LSAMP: variants seen among roughly 807,000 people sequenced by gnomAD.
LSAMP encodes limbic system-associated membrane protein.
Under a neutral mutation model 38.6 loss-of-function variants are expected in LSAMP, and 7 were observed. The observed-to-expected ratio is 0.18, with a 90% CI of 0.10 to 0.34. LSAMP has a LOEUF of 0.34. Among genes scored for constraint, LSAMP ranks in the 10% least tolerant of loss-of-function variants. The pLI is 1.00. For missense variants in LSAMP, 313 were observed against 420.0 expected (o/e 0.75, Z 2.23); for synonymous variants, 154 against 166.8 (o/e 0.92, Z 0.59).
chr3:115,991,691 C>T (rs953411502), intron 3 of LSAMP, among the ~76,000 whole-genome samples: 1 of 152,156 alleles, frequency 6.6e-6, no homozygotes, highest in African/African-American at 2.4e-5. Flanking sequence ...CGGCTTGTAG[C>T]CACTCTGTCT....
At chr3:116,235,748 A>G (rs2107632955) in intron 1 of LSAMP, among the ~76,000 whole-genome samples, 1 of 152,320 alleles carries the variant, frequency 6.6e-6, no homozygotes, top group Non-Finnish European at 1.5e-5. Context: ...TGGTCTTACT[A>G]TATAGAAAAA....
chr3:116,330,378 T>C (rs1295049415), intron 1 of LSAMP, among the ~76,000 whole-genome samples: 2 of 152,134 alleles, frequency 1.3e-5, no homozygotes, highest in Non-Finnish European at 1.5e-5. Flanking sequence ...AAAAAAGACC[T>C]TGTCCTGCAA....
chr3:115,898,975 T>C (rs954360811), intron 3 of LSAMP, among the ~76,000 whole-genome samples: 1 of 152,160 alleles, frequency 6.6e-6, no homozygotes, highest in African/African-American at 2.4e-5. Context: ...TGCATCAACG[T>C]GTACAGCCAT....
At chr3:116,358,799 C>T (rs2048261803) in intron 1 of LSAMP, among the ~76,000 whole-genome samples, 1 of 152,094 alleles carries the variant, frequency 6.6e-6, no homozygotes, top group South Asian at 2.1e-4. Context: ...GTTTTAATAA[C>T]ATTTTTAAAA....
chr3:116,382,681 T>C (rs759873295), intron 1 of LSAMP, among the ~76,000 whole-genome samples: 4 of 152,052 alleles, frequency 2.6e-5, no homozygotes, highest in Non-Finnish European at 4.4e-5. Context: ...ATTTACTATC[T>C]GGTCTTTAAT....
intron 1 of LSAMP, among the ~76,000 whole-genome samples, chr3:116,373,174 G>C (rs1345284644): frequency 6.6e-6 from 1 of 151,392 alleles, no homozygotes; most frequent in Non-Finnish European, 1.5e-5. Context: ...TAACTGCCCA[G>C]TGACAGATAA....
At chr3:116,438,943 G>A (rs922537369) in intron 1 of LSAMP, among the ~76,000 whole-genome samples, 18 of 152,048 alleles carry the variant, frequency 1.2e-4, no homozygotes, top group African/African-American at 4.1e-4. Context: ...TTTCTCAAAC[G>A]ATACAATGTG....
intron 3 of LSAMP, among the ~76,000 whole-genome samples, chr3:115,899,563 G>A (rs1477057625): frequency 1.3e-5 from 2 of 152,108 alleles, no homozygotes; most frequent in East Asian, 1.9e-4. Flanking sequence ...GGAACACAAT[G>A]AGTATTCAAT....
rs148549128 is a variant in LSAMP at position 116,088,682 on chromosome 3, G to A, written c.156-2126C>T. On this transcript the variant is annotated intron_variant, in intron 1 of 6. Transcript: ENST00000490035. ...TGTGCATGTTTCTCACCTGCACAGC[G>A]TAACACAAGAATGGTCAGATTTGCT... Among the ~76,000 whole-genome samples, 8 of 152,190 alleles carry A rather than the reference G, an allele frequency of 5.3e-5. No homozygotes were observed. In the East Asian group the frequency reaches 1.2e-3, roughly 22 times the overall value.
rs1301957480 is a variant in LSAMP, at chr3:115,863,278, A to AC, written c.515-10662dup. ...TAAAGAAAGTCCACAAGACTCTCTTACCCTGAGGGGTGGACCTCAGAGGGA... is the reference window on the plus strand; with the variant it reads ...TAAAGAAAGTCCACAAGACTCTCTTACCCCTGAGGGGTGGACCTCAGAGGGA... On this transcript the variant is annotated intron_variant, in intron 3 of 6. Coordinates refer to ENST00000490035, the MANE Select transcript of LSAMP (RefSeq NM_002338.5). 4.6e-5 allele frequency among the ~76,000 whole-genome samples: 7 copies of AC among 152,316 alleles called. No homozygotes were observed. In the East Asian group the frequency reaches 1.2e-3, roughly 25 times the overall value.
rs1412730922 is a variant in LSAMP, at chr3:115,842,450, GC to G, written c.770+7del. On this transcript the variant is annotated splice_region_variant and intron_variant, in intron 5 of 6. Coordinates refer to ENST00000490035, the MANE Select transcript of LSAMP (RefSeq NM_002338.5). ...GGAGTCATGGGGGATGGTAGGTTTG[GC>G]ACATACCTAGTGTCATCCCGGTACC... 1.9e-6 allele frequency: 3 copies of G among 1,613,092 alleles called. No individual in the cohort carries two copies. The highest frequency in any genetic ancestry group is 2.5e-6 in the Non-Finnish European group (3 of 1,179,444).
At position 116,112,406 on chromosome 3, in the gene LSAMP, A is replaced by G. The variant is rs1267342386; in HGVS notation, c.156-25850T>C. ...CCAGCTAGTACATCCTTTTTCTAGAACTCAAAGGAAGGGTGTGGAGATGGG... is the reference window on the plus strand; with the variant it reads ...CCAGCTAGTACATCCTTTTTCTAGAGCTCAAAGGAAGGGTGTGGAGATGGG... On this transcript the variant is annotated intron_variant, in intron 1 of 6. Transcript: ENST00000490035. Among the ~76,000 whole-genome samples the G allele has an allele frequency of 3.9e-5, 6 of 152,306 alleles. No individual in the cohort carries two copies. In the East Asian group the frequency reaches 1.2e-3, roughly 29 times the overall value.
intron 3 of LSAMP, among the ~76,000 whole-genome samples, chr3:116,010,507 A>G (rs1940293602): frequency 6.6e-6 from 1 of 152,242 alleles, no homozygotes; most frequent in Non-Finnish European, 1.5e-5. Context: ...GTTTAAAACA[A>G]TTACTGAGTG....
rs189860589 is a variant in LSAMP, at chr3:115,892,295, T to C, written c.515-39678A>G. The stretch of plus-strand genomic sequence containing the variant: ...GTTCATATGTTCATTAAATGACATG[T>C]CCAAGACATTCTCAGCAGCACTATT... On this transcript the variant is annotated intron_variant, in intron 3 of 6. Transcript: ENST00000490035. Among the ~76,000 whole-genome samples, 12 of 152,068 alleles carry C rather than the reference T, an allele frequency of 7.9e-5. No homozygotes were observed. The East Asian group carries it at 2.3e-3, about 30-fold the overall frequency.
At chr3:116,208,280 G>A (rs1363316726) in intron 1 of LSAMP, among the ~76,000 whole-genome samples, 1 of 98,758 alleles carries the variant, frequency 1.0e-5, no homozygotes, top group African/African-American at 3.7e-5. Context: ...CTCTGTATTG[G>A]TTATTCTAGT....
At chr3:116,179,413 G>A (rs1323058071) in intron 1 of LSAMP, among the ~76,000 whole-genome samples, 1 of 152,068 alleles carries the variant, frequency 6.6e-6, no homozygotes, top group Non-Finnish European at 1.5e-5. Flanking sequence ...GAGGGAAGTG[G>A]TTAGAGAGGG....
intron 1 of LSAMP, among the ~76,000 whole-genome samples, chr3:116,352,833 T>C (rs1348756254): frequency 1.3e-5 from 2 of 152,092 alleles, no homozygotes; most frequent in Non-Finnish European, 2.9e-5. Context: ...CATATTTATA[T>C]AGGGTTATTT....
chr3:115,929,236 A>G (rs1372636332), intron 3 of LSAMP, among the ~76,000 whole-genome samples: 1 of 151,768 alleles, frequency 6.6e-6, no homozygotes, highest in Non-Finnish European at 1.5e-5. Flanking sequence ...ACAAAATAAA[A>G]CTCCAAACTA....
rs13327667 is a variant in LSAMP, at chr3:116,378,469, C to T, written c.155+66408G>A. ...ATCTCTCTCTCAAAGAGTTTAGGTT[C>T]CAGTGTAGAGAATCATTTAATATTA... is the stretch of plus-strand genomic sequence containing the variant. On this transcript the variant is annotated intron_variant, in intron 1 of 6. Transcript: ENST00000490035. Among the ~76,000 whole-genome samples, 1,307 of 152,106 alleles carry T rather than the reference C, an allele frequency of 8.6e-3. 21 individuals carry two copies. The highest frequency in any genetic ancestry group is 0.03 in the African/African-American group (1,237 of 41,508).
Sources: allele counts gnomAD v4.1 joint callset (sites outside exome capture counted in the v4.1 genomes callset), GRCh38; gene constraint gnomAD v4.1.1; transcripts MANE v1.5; gene names NCBI Gene and HGNC (gene_info 2026-07-23, HGNC 2026-07-21).